The following SEMA3D variants were observed in gnomAD, a reference collection of about 807,000 sequenced individuals.
SEMA3D encodes the protein semaphorin-3D.
In SEMA3D, 84 loss-of-function variants were observed where a neutral mutation model predicts 100.1. That is an observed-to-expected ratio of 0.84 (90% CI 0.70 to 1.01). The LOEUF (loss-of-function observed/expected upper bound fraction) is 1.01. SEMA3D is among the 50% of genes least tolerant of loss of function. SEMA3D has a pLI of 0.00. For missense variants in SEMA3D, 875 were observed against 934.1 expected (o/e 0.94, Z 0.82); for synonymous variants, 312 against 320.7 (o/e 0.97, Z 0.29).
intron 10 of SEMA3D, chr7:85,041,459 G>A (rs1248677494): frequency 6.6e-6 from 1 of 151,890 alleles, no homozygotes; most frequent in Non-Finnish European, 1.5e-5. Context: ...AAAAGATTAA[G>A]ATGTGAATGT....
the SEMA3D span, among the ~76,000 whole-genome samples, chr7:85,208,387 T>C: frequency 6.6e-6 from 1 of 152,064 alleles, no homozygotes; most frequent in South Asian, 2.1e-4. Flanking sequence ...GAAGCTCTAG[T>C]GTTCAGAAAT....
chr7:85,200,537 G>A, the SEMA3D span, among the ~76,000 whole-genome samples: 4 of 152,192 alleles, frequency 2.6e-5, no homozygotes, highest in Non-Finnish European at 4.4e-5. Flanking sequence ...CATTCAAGAG[G>A]AGACTTGGGT....
rs541314795 is a variant in SEMA3D at position 85,041,061 on chromosome 7, C to T, written c.977-319G>A. 399 of 170,032 alleles carry T rather than the reference C, an allele frequency of 2.3e-3. 4 individuals are homozygous for T. The highest frequency in any genetic ancestry group is 0.01 in the African/African-American group (380 of 37,370). The allele number at this position is 170,032 out of a possible 1,614,324, so 10.5% of individuals were successfully genotyped here. A position where few individuals can be genotyped will look rare whatever the true frequency, so the allele number is the denominator to read the frequency against. On this transcript the variant is annotated intron_variant, in intron 10 of 18. Coordinates refer to ENST00000284136, the MANE Select transcript of SEMA3D (RefSeq NM_001384900.1). The stretch of plus-strand genomic sequence containing the variant: ...TTGTGTCAACTTAGTAATTAATTTG[C>T]CTTTTTTTTTTTTTTTGATGGAGTC...
At chr7:85,007,348 A>T (rs944498356) in intron 17 of SEMA3D, among the ~76,000 whole-genome samples, 4 of 151,784 alleles carry the variant, frequency 2.6e-5, no homozygotes, top group African/African-American at 9.7e-5. Context: ...TAATTTAAAG[A>T]TAATTTCTAT....
At chr7:85,249,136 TCTAAA>T in the SEMA3D span, among the ~76,000 whole-genome samples, 17 of 152,232 alleles carry the variant, frequency 1.1e-4, no homozygotes, top group African/African-American at 4.1e-4. Context: ...CTAAAATCAC[TCTAAA>T]CTATAGTCTT....
the SEMA3D span, among the ~76,000 whole-genome samples, chr7:85,223,500 A>G: frequency 1.3e-5 from 2 of 151,944 alleles, no homozygotes; most frequent in African/African-American, 4.8e-5. Flanking sequence ...AATCAATGAG[A>G]AGATAAATAA....
chr7:85,091,254 A>G (rs1366480249), intron 4 of SEMA3D, among the ~76,000 whole-genome samples: 5 of 151,956 alleles, frequency 3.3e-5, no homozygotes, highest in Admixed American at 2.6e-4. Flanking sequence ...CAACAAATAA[A>G]TGCTTGAATA....
chr7:85,081,257 C>CT (rs574372493), intron 5 of SEMA3D, among the ~76,000 whole-genome samples: 269 of 152,158 alleles, frequency 1.8e-3, no homozygotes, highest in African/African-American at 6.2e-3. Flanking sequence ...TGTTTCTAAT[C>CT]TTTTTTGTGA....
At chr7:85,159,846 T>C (rs1790696766) in intron 1 of SEMA3D, 2 of 984,864 alleles carry the variant, frequency 2.0e-6, no homozygotes, top group Non-Finnish European at 2.4e-6. Flanking sequence ...CTGCAGATAG[T>C]AGGATTTCAG....
intron 12 of SEMA3D, among the ~76,000 whole-genome samples, chr7:85,030,225 TA>T (rs1266151983): frequency 9.3e-5 from 14 of 150,852 alleles, no homozygotes; most frequent in East Asian, 2.0e-4. Flanking sequence ...ACTACCTAGA[TA>T]AAAAAAAGTA....
At chr7:85,042,402 A>T in intron 9 of SEMA3D, 117 bp from the exon 10 acceptor site, 1 of 716,500 alleles carries the variant, frequency 1.4e-6, no homozygotes, top group South Asian at 1.7e-5. Context: ...AAGACACTGA[A>T]CCCAGATATT....
intron 3 of SEMA3D, among the ~76,000 whole-genome samples, chr7:85,111,278 T>C (rs1291270363): frequency 6.6e-6 from 1 of 152,104 alleles, no homozygotes; most frequent in Non-Finnish European, 1.5e-5. Flanking sequence ...TCCGTGAACT[T>C]CAGGGTTATA....
chr7:85,144,331 C>G (rs1001478031), intron 2 of SEMA3D: 3 of 319,442 alleles, frequency 9.4e-6, no homozygotes, highest in African/African-American at 6.8e-5. Context: ...TTTCTGATAA[C>G]TGAATCGAGT....
At chr7:85,101,815 T>C (rs1788753801) in intron 3 of SEMA3D, among the ~76,000 whole-genome samples, 2 of 152,134 alleles carry the variant, frequency 1.3e-5, no homozygotes, top group South Asian at 4.1e-4. Flanking sequence ...TCAATAAATA[T>C]TGTTTTGAGT....
the SEMA3D span, among the ~76,000 whole-genome samples, chr7:85,202,795 C>G: frequency 1.3e-5 from 2 of 150,080 alleles, no homozygotes; most frequent in Non-Finnish European, 3.0e-5. Flanking sequence ...CAGTGAGATA[C>G]CATCTCACAC....
chr7:85,003,768 C>A (rs946359102), intron 18 of SEMA3D, among the ~76,000 whole-genome samples: 1 of 152,004 alleles, frequency 6.6e-6, no homozygotes, highest in African/African-American at 2.4e-5. Context: ...GGTAAGTTCA[C>A]ATTCACTAAT....
In SEMA3D at chr7:85,055,878, G is replaced by A; in HGVS notation, c.719-19C>T. ...TTTGCTCCTGTTTGAAAGAAAAGAAGCTATAAATTAAGATACTGAAACAAT... is the reference window on the plus strand; with the variant it reads ...TTTGCTCCTGTTTGAAAGAAAAGAAACTATAAATTAAGATACTGAAACAAT... On this transcript the variant is annotated intron_variant, in intron 8 of 18. Transcript: ENST00000284136. 7.0e-7 allele frequency: 1 copy of A among 1,432,016 alleles called. No homozygotes were observed. Among genetic ancestry groups the A allele is most frequent in the Non-Finnish European group, 9.6e-7 (1 of 1,042,294 alleles). 88.7% of individuals were successfully genotyped at this position (1,432,016 alleles called of 1,614,324 possible). A position where few individuals can be genotyped will look rare whatever the true frequency, so the allele number is the denominator to read the frequency against.
intron 9 of SEMA3D, among the ~76,000 whole-genome samples, chr7:85,048,266 T>C (rs1046139758): frequency 3.3e-5 from 5 of 151,870 alleles, no homozygotes; most frequent in African/African-American, 1.2e-4. Context: ...TCTACATCTA[T>C]CTGTGTTGTC....
chr7:85,003,507 T>C (rs1789710849), intron 18 of SEMA3D, among the ~76,000 whole-genome samples: 1 of 152,002 alleles, frequency 6.6e-6, no homozygotes, highest in South Asian at 2.1e-4. Flanking sequence ...ACAGGTGAGA[T>C]ATCACAGAGC....
Sources: allele counts gnomAD v4.1 joint callset (sites outside exome capture counted in the v4.1 genomes callset), GRCh38; gene constraint gnomAD v4.1.1; transcripts MANE v1.5; gene names NCBI Gene and HGNC (gene_info 2026-07-23, HGNC 2026-07-21).